The following SORCS2 variants were observed in gnomAD, a reference collection of about 807,000 sequenced individuals.
SORCS2 encodes sortilin related VPS10 domain containing receptor 2, also known as VPS10 domain-containing receptor SorCS2.
A neutral mutation model predicts 141.6 loss-of-function variants in SORCS2; 100 were observed. The observed-to-expected ratio is 0.71, with a 90% CI of 0.60 to 0.83. The LOEUF (loss-of-function observed/expected upper bound fraction) is 0.83. SORCS2 is among the 40% of genes least tolerant of loss of function. The pLI, the probability that SORCS2 is intolerant of heterozygous loss-of-function variation, is 0.00. For synonymous variants in SORCS2, 789 were observed against 676.9 expected, an observed-to-expected ratio of 1.17 and a Z score of -2.57; for missense variants, 1,646 against 1,560.2, an observed-to-expected ratio of 1.05 and a Z score of -0.93.
At chr4:7,523,237 G>A (rs144920696) in intron 2 of SORCS2, among the ~76,000 whole-genome samples, 43 of 152,248 alleles carry the variant, frequency 2.8e-4, no homozygotes, top group Non-Finnish European at 4.6e-4. Context: ...GACCGCTAAG[G>A]AAGATGTACA....
intron 2 of SORCS2, among the ~76,000 whole-genome samples, chr4:7,422,792 C>T (rs1726168849): frequency 6.6e-6 from 1 of 152,198 alleles, no homozygotes; most frequent in Middle Eastern, 3.2e-3. Context: ...CCCCGAGAGT[C>T]CGTTCCAACA....
chr4:7,471,322 T>C (rs1024869600), intron 2 of SORCS2, among the ~76,000 whole-genome samples: 8 of 152,240 alleles, frequency 5.3e-5, no homozygotes, highest in African/African-American at 1.9e-4. Context: ...TCTCCCCTCA[T>C]GAGGAGACAG....
At position 7,741,493 on chromosome 4, in the gene SORCS2, C is replaced by T. The variant is rs756229763; in HGVS notation, c.*1229C>T. 56 of 355,356 alleles carry T rather than the reference C, an allele frequency of 1.6e-4. No homozygotes were observed. The highest frequency in any genetic ancestry group is 1.4e-4 in the Admixed American group (3 of 21,272). 22.0% of individuals were successfully genotyped at this position (355,356 alleles called of 1,614,324 possible). ...GCCTTGAAATGGGAAGTCAGTAGCCCCTTCCTCCTCCTCCCTCCTCCCCCT... is the reference window on the plus strand; with the variant it reads ...GCCTTGAAATGGGAAGTCAGTAGCCTCTTCCTCCTCCTCCCTCCTCCCCCT... On this transcript the variant is annotated 3_prime_UTR_variant, in exon 27 of 27. Transcript: ENST00000507866.
intron 1 of SORCS2, among the ~76,000 whole-genome samples, chr4:7,350,551 G>T (rs1418653205): frequency 2.6e-5 from 4 of 151,588 alleles, no homozygotes; most frequent in Non-Finnish European, 5.9e-5. Flanking sequence ...TGCTGATGGG[G>T]TGTGCTGGCT....
intron 2 of SORCS2, among the ~76,000 whole-genome samples, chr4:7,447,777 A>G (rs1728092853): frequency 1.3e-5 from 2 of 151,960 alleles, no homozygotes; most frequent in Non-Finnish European, 2.9e-5. Flanking sequence ...TATGAAACAA[A>G]CTACGACCCA....
In SORCS2 at chr4:7,697,270, G is replaced by C; in HGVS notation, c.1664G>C (p.Arg555Pro). ...ACGTCAGACTGTGGTCACACCTGGC[G>C]GCAGGTAAGCTGGCTGGGAGGTGCC... The part of the protein sequence containing the change: ...YITSDCGHTW[R>P]QVFEEEHHIL... Residue 555 changes from arginine (R) to proline (P), a missense_variant, in exon 12 of 27, where the codon CGG becomes CCG. Physicochemically the swap from Arg to Pro is moderately radical, Grantham distance 103. Coordinates refer to ENST00000507866, the MANE Select transcript of SORCS2 (RefSeq NM_020777.3). The C allele has an allele frequency of 6.3e-7, 1 of 1,584,968 alleles. No individual in the cohort carries two copies. The highest frequency in any genetic ancestry group is 8.6e-7 in the Non-Finnish European group (1 of 1,165,970).
At chr4:7,443,866 G>T (rs75209389) in intron 2 of SORCS2, among the ~76,000 whole-genome samples, 19,757 of 152,278 alleles carry the variant, frequency 0.13, 1,639 homozygotes, top group Middle Eastern at 0.28. Context: ...TTTCCAACAG[G>T]GGTCCTCCCC....
intron 2 of SORCS2, among the ~76,000 whole-genome samples, chr4:7,422,462 G>C (rs1187824954): frequency 6.6e-6 from 1 of 152,132 alleles, no homozygotes; most frequent in Admixed American, 6.5e-5. Flanking sequence ...AGAGAGGTGT[G>C]TGGACCGGGC....
rs531879133 is a variant in SORCS2, at chr4:7,195,287, A to T, written c.480+2161A>T. Among the ~76,000 whole-genome samples the T allele has an allele frequency of 2.6e-5, 4 of 152,084 alleles. No individual in the cohort carries two copies. The East Asian group carries it at 5.8e-4, about 22-fold the overall frequency. On this transcript the variant is annotated intron_variant, in intron 1 of 26. Coordinates refer to ENST00000507866, the MANE Select transcript of SORCS2 (RefSeq NM_020777.3). ...AGGAACCAGAGAGGAGCTTTAAGGG[A>T]TGGATGTCCTCTGGTCAGCATGAGG...
intron 22 of SORCS2, among the ~76,000 whole-genome samples, chr4:7,728,825 G>T (rs1339680645): frequency 2.6e-5 from 4 of 152,178 alleles, no homozygotes; most frequent in Admixed American, 6.5e-5. Flanking sequence ...TTCTGGGCTG[G>T]ACACAAGACA....
chr4:7,605,748 C>T (rs886231317), intron 3 of SORCS2, among the ~76,000 whole-genome samples: 3 of 152,102 alleles, frequency 2.0e-5, no homozygotes, highest in African/African-American at 7.2e-5. Flanking sequence ...TTCATTCCCC[C>T]ACACATTCAT....
chr4:7,536,632 C>CGGG (rs1216912922), intron 3 of SORCS2, among the ~76,000 whole-genome samples: 77 of 152,180 alleles, frequency 5.1e-4, no homozygotes, highest in Non-Finnish European at 1.0e-3. Context: ...TCAAACAGAA[C>CGGG]TCACGAGAGA....
At chr4:7,692,641 AT>A (rs1724330092) in intron 11 of SORCS2, among the ~76,000 whole-genome samples, 2 of 152,200 alleles carry the variant, frequency 1.3e-5, no homozygotes, top group South Asian at 4.1e-4. Flanking sequence ...CAAAGGGATG[AT>A]GACCGCAGGG....
intron 3 of SORCS2, among the ~76,000 whole-genome samples, chr4:7,582,369 T>C (rs868471494): frequency 2.0e-5 from 3 of 152,230 alleles, no homozygotes; most frequent in African/African-American, 7.2e-5. Flanking sequence ...ACATCATGAT[T>C]ATGTCACACT....
intron 1 of SORCS2, among the ~76,000 whole-genome samples, chr4:7,238,073 G>A (rs990893934): frequency 1.1e-4 from 16 of 152,050 alleles, no homozygotes; most frequent in Non-Finnish European, 1.9e-4. Flanking sequence ...TTTCCGATGC[G>A]CTGGCAAGAG....
chr4:7,316,014 C>G (rs1028163821), intron 1 of SORCS2, among the ~76,000 whole-genome samples: 5 of 152,162 alleles, frequency 3.3e-5, no homozygotes, highest in Non-Finnish European at 7.3e-5. Flanking sequence ...TCTATCCTTT[C>G]TATCCACCCA....
intron 3 of SORCS2, among the ~76,000 whole-genome samples, chr4:7,542,457 A>T (rs1339295243): frequency 6.6e-6 from 1 of 152,224 alleles, no homozygotes; most frequent in Admixed American, 6.5e-5. Context: ...ACACGAAGAC[A>T]TATGGGGAAG....
At chr4:7,568,420 C>T (rs1019303087) in intron 3 of SORCS2, among the ~76,000 whole-genome samples, 6 of 152,164 alleles carry the variant, frequency 3.9e-5, no homozygotes, top group African/African-American at 1.4e-4. Flanking sequence ...GTTTTTCTTT[C>T]ATTCTTCACC....
intron 1 of SORCS2, among the ~76,000 whole-genome samples, chr4:7,241,305 C>T (rs1004248370): frequency 2.0e-5 from 3 of 152,138 alleles, no homozygotes; most frequent in Non-Finnish European, 4.4e-5. Flanking sequence ...TTTTAAGGTC[C>T]CTGCTTGTCC....
Sources: allele counts gnomAD v4.1 joint callset (sites outside exome capture counted in the v4.1 genomes callset), GRCh38; gene constraint gnomAD v4.1.1; transcripts MANE v1.5; gene names NCBI Gene and HGNC (gene_info 2026-07-23, HGNC 2026-07-21).